The following PRDM2 variants were observed in gnomAD, a reference collection of about 807,000 sequenced individuals.
The protein encoded by PRDM2 is PR/SET domain 2, also known as PR domain zinc finger protein 2.
A neutral mutation model predicts 130.0 loss-of-function variants in PRDM2; 30 were observed. The ratio of observed to expected loss-of-function variants is 0.23; its 90% CI spans 0.17 to 0.31. The LOEUF (loss-of-function observed/expected upper bound fraction) is 0.31. PRDM2 is among the 10% of genes least tolerant of loss of function. The probability of loss-of-function intolerance (pLI) is 1.00; values close to 1 mark genes in which losing one functional copy is unlikely to be tolerated. For missense variants in PRDM2, 2,011 were observed against 2,108.4 expected (o/e 0.95, Z 0.90); for synonymous variants, 871 against 782.4 (o/e 1.11, Z -1.89).
rs954859078 is a variant in PRDM2 at position 13,703,909 on chromosome 1, A to G, written c.-66+3609A>G. 4.6e-5 allele frequency among the ~76,000 whole-genome samples: 7 copies of G among 152,238 alleles called. No individual in the cohort carries two copies. In the East Asian group the frequency reaches 7.7e-4, roughly 17 times the overall value. ...GAAATGGTGAGTTTGCCCTGAGGCA[A>G]TAAGGCTTACTTTTGAAGTGCTTAC... On this transcript the variant is annotated intron_variant, in intron 1 of 9. Transcript: ENST00000311066.
chr1:13,700,392 A>G (rs1373643910), intron 1 of PRDM2, 92 bp downstream of exon 1: 1 of 149,338 alleles, frequency 6.7e-6, no homozygotes, highest in Non-Finnish European at 1.5e-5. Flanking sequence ...CGGCGGCGAC[A>G]CGCTGGGGAC....
At position 13,780,868 on chromosome 1, in the gene PRDM2, C is replaced by A; in HGVS notation, c.3073C>A (p.Pro1025Thr). The A allele has an allele frequency of 6.2e-7, 1 of 1,612,448 alleles. No homozygotes were observed. The highest frequency in any genetic ancestry group is 8.5e-7 in the Non-Finnish European group (1 of 1,178,806). The stretch of plus-strand genomic sequence containing the variant: ...ACAGTCCCCACTTCCAATTCTGTCC[C>A]CAACAGTGTCCCCCTCTCCCTCTCC... ...TAQSPLPILS[P>T]TVSPSPSPIP... is the part of the protein sequence containing the mutation. Residue 1025 changes from proline (P) to threonine (T), a missense_variant, in exon 8 of 10, where the codon CCA becomes ACA. Around this residue, in one of 5 missense-constraint regions of PRDM2, gnomAD observed 1,288 missense variants for 1,237.7 expected, o/e 1.04. Transcript: ENST00000311066.
At chr1:13,749,524 C>G (rs1022412889) in intron 6 of PRDM2, 37 bp downstream of exon 6, 1 of 1,251,728 alleles carries the variant, frequency 8.0e-7, no homozygotes. Context: ...GGCCCCGGCG[C>G]CACGCCCGCC....
Position 13,779,582 on chromosome 1 carries a change from A to G in PRDM2, c.1787A>G (p.Tyr596Cys), listed in dbSNP as rs747024371. 4.0e-5 allele frequency: 65 copies of G among 1,614,026 alleles called. No homozygotes were observed. Among genetic ancestry groups the G allele is most frequent in the Admixed American group, 1.8e-4 (11 of 60,006 alleles). The change falls in exon 8 of 10, where the codon TAT becomes TGT. Residue 596 changes from tyrosine to cysteine, a missense_variant. By Grantham distance (194) the Tyr-to-Cys change is radical. Coordinates refer to ENST00000311066, the MANE Select transcript of PRDM2 (RefSeq NM_001393986.1). The surrounding 1 kb of genome is among the most constrained non-coding windows in gnomAD (Gnocchi z 4.9). ...IEMESASADL[Y>C]GINCLLTPVT... ...ATGGAGTCTGCTTCGGCAGATTTGT[A>G]TGGTATAAATTGTCTGCTCACTCCA...
chr1:13,769,106 T>C lies in PRDM2; in HGVS notation c.512-3972T>C, dbSNP rs988242805. Reference sequence around the variant, plus strand: ...TCACTTCCCTTGTGTTTCATTCCTCTTTCTTGTCTAGACCAAGCGGAGCAG... The same window carrying C: ...TCACTTCCCTTGTGTTTCATTCCTCCTTCTTGTCTAGACCAAGCGGAGCAG... On this transcript the variant is annotated intron_variant, in intron 6 of 9. Transcript: ENST00000311066. 3 of 982,856 alleles carry C rather than the reference T, an allele frequency of 3.1e-6. No homozygotes were observed. In the African/African-American group the frequency reaches 5.2e-5, roughly 17 times the overall value. The allele number at this position is 982,856 out of a possible 1,614,324, so 60.9% of individuals were successfully genotyped here. A position where few individuals can be genotyped will look rare whatever the true frequency, so the allele number is the denominator to read the frequency against.
At position 13,824,220 on chromosome 1, in the gene PRDM2, C is replaced by T. The variant is rs1645398783; in HGVS notation, c.*1085C>T. ...TTGTGCCTTTGGGGCAGACCCCAGG[C>T]AAGGATGTCTGAGACCACTTGGGCG... On this transcript the variant is annotated 3_prime_UTR_variant, in exon 10 of 10. Coordinates refer to ENST00000311066, the MANE Select transcript of PRDM2 (RefSeq NM_001393986.1). The T allele has an allele frequency of 1.3e-5, 2 of 152,502 alleles. No homozygotes were observed. Among genetic ancestry groups the T allele is most frequent in the South Asian group, 4.2e-4 (2 of 4,818 alleles). The allele number at this position is 152,502 out of a possible 1,614,324, so 9.4% of individuals were successfully genotyped here.
Position 13,778,486 on chromosome 1 carries a change from G to A in PRDM2, c.691G>A (p.Ala231Thr), listed in dbSNP as rs753808866. 1 of 1,614,006 alleles carries A rather than the reference G, an allele frequency of 6.2e-7. No homozygotes were observed. The highest frequency in any genetic ancestry group is 1.7e-5 in the Admixed American group (1 of 60,006). Reference protein sequence around the residue: ...LEQPATLQEVASQEVPPELAT... With the variant: ...LEQPATLQEVTSQEVPPELAT... ...GCAGCCGGCCACCCTCCAGGAGGTG[G>A]CCAGTCAGGAGGTGCCTCCAGAACT... Residue 231 changes from alanine to threonine, a missense_variant, in exon 8 of 10, where the codon GCC becomes ACC. By Grantham distance (58) the Ala-to-Thr change is moderately conservative. Transcript: ENST00000311066.
intron 6 of PRDM2, among the ~76,000 whole-genome samples, chr1:13,754,652 C>T (rs1195682537): frequency 6.6e-6 from 1 of 152,224 alleles, no homozygotes; most frequent in Non-Finnish European, 1.5e-5. Context: ...ATCTCCTAAC[C>T]TTTCGTAGCA....
At position 13,742,087 on chromosome 1, in the gene PRDM2, C is replaced by T; in HGVS notation, c.314C>T (p.Ala105Val). The T allele has an allele frequency of 6.2e-7, 1 of 1,612,482 alleles. No individual in the cohort carries two copies. The highest frequency in any genetic ancestry group is 8.5e-7 in the Non-Finnish European group (1 of 1,178,492). ...AACTGGCTGCGATATGTGAATTGGG[C>T]TTGCTCAGGAGAAGAGCAAAATTTA... Reference protein sequence around the residue: ...KGNWLRYVNWACSGEEQNLFP... With the variant: ...KGNWLRYVNWVCSGEEQNLFP... Residue 105 changes from alanine (A) to valine (V), a missense_variant, in exon 5 of 10, where the codon GCT becomes GTT. By Grantham distance (64) the Ala-to-Val change is moderately conservative. Around this residue, in one of 5 missense-constraint regions of PRDM2, gnomAD observed 1,288 missense variants for 1,237.7 expected, o/e 1.04. Coordinates refer to ENST00000311066, the MANE Select transcript of PRDM2 (RefSeq NM_001393986.1).
intron 5 of PRDM2, 106 bp from the exon 6 acceptor site, chr1:13,749,255 C>CT (rs1357298428): frequency 1.8e-6 from 2 of 1,102,646 alleles, no homozygotes; most frequent in Non-Finnish European, 2.3e-6. Context: ...CCGCCGACAG[C>CT]TGTTTGCCAT....
At chr1:13,801,046 G>C (rs1435333418) in intron 8 of PRDM2, among the ~76,000 whole-genome samples, 1 of 152,228 alleles carries the variant, frequency 6.6e-6, no homozygotes, top group Non-Finnish European at 1.5e-5. Flanking sequence ...GGTCAAACCA[G>C]ATGGGTCAAA....
At position 13,782,335 on chromosome 1, in the gene PRDM2, C is replaced by A; in HGVS notation, c.4540C>A (p.Arg1514Ser). The A allele has an allele frequency of 6.2e-7, 1 of 1,614,138 alleles. No individual in the cohort carries two copies. Among genetic ancestry groups the A allele is most frequent in the Non-Finnish European group, 8.5e-7 (1 of 1,180,036 alleles). ...SSDKNSNSNH[R>S]RRTADAEIKM... ...TGACAAAAACAGTAACAGCAACCAC[C>A]GCAGACGGACAGCGGATGCGGAGAT... The change falls in exon 8 of 10, where the codon CGC (arginine) becomes AGC (serine). Residue 1514 changes from arginine to serine, a missense_variant. Physicochemically the swap from Arg to Ser is moderately radical, Grantham distance 110. Transcript: ENST00000311066.
At chr1:13,790,335 G>A (rs1046725865) in intron 8 of PRDM2, among the ~76,000 whole-genome samples, 2 of 152,144 alleles carry the variant, frequency 1.3e-5, no homozygotes, top group African/African-American at 2.4e-5. Flanking sequence ...TTGTTTTCCC[G>A]TTCTTTCTAA....
intron 7 of PRDM2, among the ~76,000 whole-genome samples, chr1:13,775,101 A>G (rs1644446808): frequency 6.6e-6 from 1 of 152,348 alleles, no homozygotes; most frequent in African/African-American, 2.4e-5. Context: ...CCATGAGCAA[A>G]CAGTTCAGAC....
chr1:13,745,570 G>A (rs1002288824), intron 5 of PRDM2, among the ~76,000 whole-genome samples: 2 of 151,970 alleles, frequency 1.3e-5, no homozygotes, highest in Non-Finnish European at 2.9e-5. Flanking sequence ...GACTATGGGC[G>A]CATGCCACCA....
At chr1:13,749,338 GC>G (rs1643727674) in intron 5 of PRDM2, 22 bp from the exon 6 acceptor site, 1 of 1,459,526 alleles carries the variant, frequency 6.9e-7, no homozygotes, top group Admixed American at 1.9e-5. Flanking sequence ...TTGGCCCGGC[GC>G]TTGTCTCTTC....
At position 13,781,133 on chromosome 1, in the gene PRDM2, G is replaced by A. The variant is rs1459158814; in HGVS notation, c.3338G>A (p.Arg1113Lys). ...EELENEGLKP[R>K]EEPQSAAEQD... ...TTAGAGAATGAAGGTCTGAAACCCAGGGAAGAGCCCCAGTCTGCTGCTGAA... is the reference window on the plus strand; with the variant it reads ...TTAGAGAATGAAGGTCTGAAACCCAAGGAAGAGCCCCAGTCTGCTGCTGAA... Residue 1113 changes from arginine (R) to lysine (K), a missense_variant, in exon 8 of 10, where the codon AGG becomes AAG. Transcript: ENST00000311066. This position sits in a 1 kb window ranked among gnomAD's most constrained non-coding sequence, Gnocchi z 6.1. 2 of 1,614,162 alleles carry A rather than the reference G, an allele frequency of 1.2e-6. No individual in the cohort carries two copies. Among genetic ancestry groups the A allele is most frequent in the Non-Finnish European group, 1.7e-6 (2 of 1,180,028 alleles).
intron 8 of PRDM2, among the ~76,000 whole-genome samples, chr1:13,785,384 CA>C (rs1352047640): frequency 1.3e-5 from 2 of 152,168 alleles, no homozygotes; most frequent in African/African-American, 2.4e-5. Context: ...TTCTTTACAA[CA>C]AGCTGTGATT....
In PRDM2 at chr1:13,816,459, C is replaced by T. The variant is rs1159343683; in HGVS notation, c.5069C>T (p.Pro1690Leu). Residue 1690 changes from proline (P) to leucine (L), a missense_variant, in exon 9 of 10, where the codon CCA becomes CTA. Physicochemically the swap from Pro to Leu is moderately conservative, Grantham distance 98 (BLOSUM62 -3). Around this residue, in one of 5 missense-constraint regions of PRDM2, gnomAD observed 410 missense variants for 395.9 expected, o/e 1.04. Coordinates refer to ENST00000311066, the MANE Select transcript of PRDM2 (RefSeq NM_001393986.1). Reference sequence around the variant, plus strand: ...CTCCGCTTGGCGTCCCGATGCTCTCCACCAGCGGCCCCGTACATCACCAGG... The same window carrying T: ...CTCCGCTTGGCGTCCCGATGCTCTCTACCAGCGGCCCCGTACATCACCAGG... ...YSLRLASRCS[P>L]PAAPYITRQY... 11 of 1,614,184 alleles carry T rather than the reference C, an allele frequency of 6.8e-6. No homozygotes were observed. Among genetic ancestry groups the T allele is most frequent in the Non-Finnish European group, 8.5e-6 (10 of 1,180,028 alleles).
Sources: gnomAD v4.1 joint callset for allele counts (sites outside exome capture counted in the v4.1 genomes callset) on GRCh38, gnomAD v4.1.1 for gene constraint, gnomAD v4.1.1 regional missense constraint, Gnocchi (gnomAD v3.1) non-coding constraint, MANE v1.5 for transcripts, NCBI Gene and HGNC (gene_info 2026-07-23, HGNC 2026-07-21) for gene names.